Variants in DOCK3 observed in about 807,000 individuals in gnomAD.
The protein encoded by DOCK3 is dedicator of cytokinesis protein 3.
A neutral mutation model predicts 265.6 loss-of-function variants in DOCK3; 60 were observed. That is an observed-to-expected ratio of 0.23 (90% CI 0.18 to 0.28). The LOEUF (loss-of-function observed/expected upper bound fraction) is 0.28, where lower values mean the gene tolerates loss of function less well. Among genes scored for constraint, DOCK3 ranks in the 10% least tolerant of loss-of-function variants. The pLI, the probability that DOCK3 is intolerant of heterozygous loss-of-function variation, is 1.00. For missense variants in DOCK3, 1,981 were observed against 2,594.3 expected (o/e 0.76, Z 5.14); for synonymous variants, 881 against 938.0 (o/e 0.94, Z 1.11).
chr3:50,905,382 TC>T (rs2049431680), intron 4 of DOCK3, among the ~76,000 whole-genome samples: 1 of 152,168 alleles, frequency 6.6e-6, no homozygotes, highest in South Asian at 2.1e-4. Flanking sequence ...TATTGCTTCT[TC>T]CTATCCATGA....
At chr3:50,844,130 C>T (rs983466703) in intron 3 of DOCK3, among the ~76,000 whole-genome samples, 29 of 152,030 alleles carry the variant, frequency 1.9e-4, no homozygotes, top group Non-Finnish European at 2.5e-4. Context: ...TGTCTTTAGT[C>T]GTTTATGATT....
At chr3:51,228,524 A>G (rs910474847) in intron 17 of DOCK3, 137 bp from the exon 18 acceptor site, 2 of 917,888 alleles carry the variant, frequency 2.2e-6, no homozygotes, top group African/African-American at 1.7e-5. Flanking sequence ...AACAGAAAGT[A>G]CTCTTCCAAG....
At chr3:51,316,243 A>G (rs949683375) in intron 32 of DOCK3, among the ~76,000 whole-genome samples, 60 of 152,332 alleles carry the variant, frequency 3.9e-4, no homozygotes, top group African/African-American at 1.4e-3. Flanking sequence ...GGAATCAAGC[A>G]AAGTGCAGCC....
At chr3:50,902,042 C>G (rs1277856757) in intron 4 of DOCK3, among the ~76,000 whole-genome samples, 9 of 152,138 alleles carry the variant, frequency 5.9e-5, no homozygotes, top group African/African-American at 1.9e-4. Context: ...AATGTCTGTT[C>G]ATGTCATTTG....
intron 1 of DOCK3, among the ~76,000 whole-genome samples, chr3:50,743,226 C>T (rs959267110): frequency 9.9e-5 from 15 of 151,678 alleles, no homozygotes; most frequent in Non-Finnish European, 1.8e-4. Context: ...CCGGTACCAG[C>T]CACTGCAAAA....
intron 12 of DOCK3, among the ~76,000 whole-genome samples, chr3:51,173,273 AC>A (rs1320018052): frequency 6.6e-6 from 1 of 151,994 alleles, no homozygotes; most frequent in African/African-American, 2.4e-5. Context: ...GGCACATACC[AC>A]CACACCCAAC....
intron 22 of DOCK3, among the ~76,000 whole-genome samples, chr3:51,252,126 C>G (rs1425299941): frequency 6.6e-6 from 1 of 152,168 alleles, no homozygotes; most frequent in Admixed American, 6.5e-5. Context: ...GGAATCCTTT[C>G]CCCATTTCTT....
chr3:50,721,611 G>A (rs1222877326), intron 1 of DOCK3, among the ~76,000 whole-genome samples: 1 of 152,004 alleles, frequency 6.6e-6, no homozygotes, highest in Non-Finnish European at 1.5e-5. Flanking sequence ...ATAGTTTGAA[G>A]GTTTGAAGTC....
At chr3:50,877,754 A>C (rs1204255129) in intron 3 of DOCK3, 27 of 270,538 alleles carry the variant, frequency 1.0e-4, no homozygotes, top group South Asian at 2.0e-4. Context: ...GCTCACTGCA[A>C]CCTCCGCCTC....
intron 1 of DOCK3, among the ~76,000 whole-genome samples, chr3:50,705,684 G>A (rs1038590191): frequency 2.0e-5 from 3 of 152,040 alleles, no homozygotes; most frequent in Non-Finnish European, 4.4e-5. Flanking sequence ...CAAAATGCTG[G>A]GATTACAGGC....
At chr3:51,164,383 G>A (rs1393051139) in intron 12 of DOCK3, among the ~76,000 whole-genome samples, 1 of 152,130 alleles carries the variant, frequency 6.6e-6, no homozygotes, top group Non-Finnish European at 1.5e-5. Flanking sequence ...AGCACTTTGG[G>A]AGGCTGAGGC....
At chr3:51,106,427 C>T (rs1187930879) in intron 9 of DOCK3, among the ~76,000 whole-genome samples, 1 of 152,234 alleles carries the variant, frequency 6.6e-6, no homozygotes, top group Admixed American at 6.5e-5. Flanking sequence ...TGCCTGCACA[C>T]ACGTCACCAT....
chr3:50,868,383 T>C (rs2047249085), intron 3 of DOCK3, among the ~76,000 whole-genome samples: 1 of 152,136 alleles, frequency 6.6e-6, no homozygotes, highest in East Asian at 1.9e-4. Flanking sequence ...GCTTTTGTTT[T>C]TTCTTTGGAG....
intron 23 of DOCK3, among the ~76,000 whole-genome samples, chr3:51,268,947 G>T (rs1400607091): frequency 4.6e-5 from 7 of 151,896 alleles, no homozygotes; most frequent in African/African-American, 1.7e-4. Flanking sequence ...ATGCTTTCTG[G>T]GAACTTTGTA....
At chr3:51,022,145 T>A (rs1025939203) in intron 5 of DOCK3, among the ~76,000 whole-genome samples, 23 of 152,208 alleles carry the variant, frequency 1.5e-4, no homozygotes, top group African/African-American at 5.1e-4. Flanking sequence ...AACAATTTAC[T>A]TTGTAGTTTT....
chr3:50,992,897 C>A (rs560062025), intron 5 of DOCK3, among the ~76,000 whole-genome samples: 14 of 151,984 alleles, frequency 9.2e-5, no homozygotes, highest in Admixed American at 2.0e-4. Flanking sequence ...ATTAGCCTAT[C>A]GATCAAAAAA....
At chr3:51,021,714 C>T (rs377256035) in intron 5 of DOCK3, among the ~76,000 whole-genome samples, 1 of 141,568 alleles carries the variant, frequency 7.1e-6, no homozygotes, top group Non-Finnish European at 1.5e-5. Flanking sequence ...CAGGCTGGAG[C>T]GCAATGGTGC....
chr3:50,983,027 C>G (rs1054844125), intron 5 of DOCK3, among the ~76,000 whole-genome samples: 1 of 152,202 alleles, frequency 6.6e-6, no homozygotes, highest in Admixed American at 6.5e-5. Context: ...ATTACCTGCT[C>G]AGATCTTGGA....
chr3:50,918,067 T>C (rs2050222649), intron 4 of DOCK3, among the ~76,000 whole-genome samples: 1 of 152,136 alleles, frequency 6.6e-6, no homozygotes, highest in East Asian at 1.9e-4. Flanking sequence ...GCTTCATCCA[T>C]GTCCCTACAA....
Sources: allele counts gnomAD v4.1 joint callset (sites outside exome capture counted in the v4.1 genomes callset), GRCh38; gene constraint gnomAD v4.1.1; transcripts MANE v1.5; gene names NCBI Gene and HGNC (gene_info 2026-07-23, HGNC 2026-07-21).